The following ATG7 variants were observed in gnomAD, a reference collection of about 807,000 sequenced individuals.
ATG7 encodes the protein autophagy related 7.
ATG7 carries 70 observed loss-of-function variants against 82.4 expected under a neutral mutation model. That is an observed-to-expected ratio of 0.85 (90% confidence interval 0.70 to 1.04). ATG7 has a LOEUF of 1.04. Ranked by LOEUF, ATG7 falls within the 50% of genes least tolerant of loss-of-function variation. The pLI is 0.00. For missense variants in ATG7, 792 were observed against 864.3 expected, an observed-to-expected ratio of 0.92 and a Z score of 1.05; for synonymous variants, 287 against 313.0, an observed-to-expected ratio of 0.92 and a Z score of 0.88.
At chr3:11,481,525 G>A (rs2088973038) in intron 20 of ATG7, among the ~76,000 whole-genome samples, 1 of 152,070 alleles carries the variant, frequency 6.6e-6, no homozygotes, top group African/African-American at 2.4e-5. Flanking sequence ...TCTCAGATTT[G>A]TCCTGTTATG....
At chr3:11,368,527 C>A (rs527490382) in intron 18 of ATG7, among the ~76,000 whole-genome samples, 226 of 152,224 alleles carry the variant, frequency 1.5e-3, no homozygotes, top group Non-Finnish European at 2.4e-3. Flanking sequence ...CACAGTGGCT[C>A]ACCCCTGTAA....
intron 18 of ATG7, among the ~76,000 whole-genome samples, chr3:11,371,600 C>G (rs968008865): frequency 6.6e-6 from 1 of 150,864 alleles, no homozygotes; most frequent in Non-Finnish European, 1.5e-5. Flanking sequence ...ATCAGAATCA[C>G]CTAAGGAGCC....
rs529125575 is a variant in ATG7 at position 11,411,741 on chromosome 3, A to AT, written c.1957-15055dup. ...GTTGTCCATCTATGAAATTCAGTCT[A>AT]TTTTTTTTGTTTCCTGTGCCTTTGA... On this transcript the variant is annotated intron_variant, in intron 19 of 20. Coordinates refer to ENST00000693202, the MANE Select transcript of ATG7 (RefSeq NM_001349232.2). 1.7e-4 allele frequency among the ~76,000 whole-genome samples: 25 copies of AT among 147,076 alleles called. No homozygotes were observed. The South Asian group carries it at 3.5e-3, about 20-fold the overall frequency.
chr3:11,286,259 C>G lies in ATG7; in HGVS notation c.-11+3821C>G, dbSNP rs1943976380. Among the ~76,000 whole-genome samples the G allele has an allele frequency of 2.6e-5, 4 of 152,302 alleles. No individual in the cohort carries two copies. In the South Asian group the frequency reaches 8.3e-4, roughly 32 times the overall value. Reference sequence around the variant, plus strand: ...CTACCAGAATGCTTTCAGAAAGAAACATTTATTCTTGACTACTTTCATATG... The same window carrying G: ...CTACCAGAATGCTTTCAGAAAGAAAGATTTATTCTTGACTACTTTCATATG... On this transcript the variant is annotated intron_variant, in intron 3 of 20. Transcript: ENST00000693202.
chr3:11,412,459 CTG>C (rs1466800467), intron 19 of ATG7, among the ~76,000 whole-genome samples: 1 of 152,034 alleles, frequency 6.6e-6, no homozygotes, highest in East Asian at 1.9e-4. Flanking sequence ...AAAATTGAGA[CTG>C]TATCTGTGAG....
chr3:11,423,744 C>G (rs984722938), intron 19 of ATG7, among the ~76,000 whole-genome samples: 1 of 152,216 alleles, frequency 6.6e-6, no homozygotes, highest in Middle Eastern at 3.4e-3. Flanking sequence ...TCTCTCTGAT[C>G]CTAACAGCCT....
intron 3 of ATG7, among the ~76,000 whole-genome samples, chr3:11,295,087 C>T (rs1459509829): frequency 6.6e-6 from 1 of 152,018 alleles, no homozygotes; most frequent in African/African-American, 2.4e-5. Flanking sequence ...ACTCCAGCCT[C>T]GGCAACAGAG....
At chr3:11,530,374 G>T (rs1248987927) in intron 20 of ATG7, among the ~76,000 whole-genome samples, 1 of 152,168 alleles carries the variant, frequency 6.6e-6, no homozygotes, top group East Asian at 1.9e-4. Context: ...GCCACCTTCT[G>T]CATTTAAACA....
At chr3:11,472,849 C>A (rs925740132) in intron 20 of ATG7, among the ~76,000 whole-genome samples, 4 of 152,140 alleles carry the variant, frequency 2.6e-5, no homozygotes, top group African/African-American at 4.8e-5. Context: ...GATTTGCACA[C>A]CGTTTTTCAT....
intron 20 of ATG7, among the ~76,000 whole-genome samples, chr3:11,538,712 C>CAAAA (rs34720305): frequency 4.8e-5 from 4 of 83,986 alleles, no homozygotes; most frequent in African/African-American, 1.9e-4. Flanking sequence ...AAAAATTAGC[C>CAAAA]AAAAAAAAAA....
chr3:11,313,807 C>T (rs1015172653), intron 8 of ATG7, among the ~76,000 whole-genome samples: 3 of 152,096 alleles, frequency 2.0e-5, no homozygotes, highest in African/African-American at 7.2e-5. Flanking sequence ...GCCATGTTGG[C>T]CAGGCTGGTC....
chr3:11,353,100 C>T (rs2152800068), intron 14 of ATG7, among the ~76,000 whole-genome samples: 1 of 152,282 alleles, frequency 6.6e-6, no homozygotes, highest in Admixed American at 6.5e-5. Context: ...AGTCGAGTGA[C>T]ATTTGACTTG....
intron 20 of ATG7, among the ~76,000 whole-genome samples, chr3:11,535,220 C>T (rs907475373): frequency 6.6e-6 from 1 of 152,230 alleles, no homozygotes; most frequent in Non-Finnish European, 1.5e-5. Flanking sequence ...GCCCTTTGCC[C>T]CCTCTAGCTC....
At chr3:11,495,751 T>C (rs938351800) in intron 20 of ATG7, among the ~76,000 whole-genome samples, 1 of 152,232 alleles carries the variant, frequency 6.6e-6, no homozygotes, top group Non-Finnish European at 1.5e-5. Context: ...GTTTCTATTT[T>C]GCCGTGTTTC....
intron 9 of ATG7, among the ~76,000 whole-genome samples, chr3:11,319,939 A>G (rs962638773): frequency 6.6e-6 from 1 of 152,192 alleles, no homozygotes; most frequent in African/African-American, 2.4e-5. Flanking sequence ...AGTTTTCCTT[A>G]GAAAAGCAGA....
At chr3:11,406,928 C>A (rs759387998) in intron 19 of ATG7, among the ~76,000 whole-genome samples, 2 of 152,148 alleles carry the variant, frequency 1.3e-5, no homozygotes, top group Admixed American at 1.3e-4. Context: ...CAAACCATAT[C>A]ATTCTGGCCC....
chr3:11,463,496 C>T (rs1324093484), intron 20 of ATG7, among the ~76,000 whole-genome samples: 2 of 152,166 alleles, frequency 1.3e-5, no homozygotes, highest in East Asian at 1.9e-4. Flanking sequence ...CCTCCCATCC[C>T]AATTCATGTC....
intron 20 of ATG7, among the ~76,000 whole-genome samples, chr3:11,430,290 G>T (rs1353751839): frequency 6.6e-6 from 1 of 152,024 alleles, no homozygotes; most frequent in Non-Finnish European, 1.5e-5. Flanking sequence ...AAAAATGTGT[G>T]TATGCGCATA....
intron 20 of ATG7, among the ~76,000 whole-genome samples, chr3:11,486,476 T>C (rs918720780): frequency 6.6e-6 from 1 of 151,866 alleles, no homozygotes; most frequent in Non-Finnish European, 1.5e-5. Flanking sequence ...AACCATGTCA[T>C]CTGCAAACAG....
Sources: gnomAD v4.1 joint callset for allele counts (sites outside exome capture counted in the v4.1 genomes callset) on GRCh38, gnomAD v4.1.1 for gene constraint, MANE v1.5 for transcripts, NCBI Gene and HGNC (gene_info 2026-07-23, HGNC 2026-07-21) for gene names.